Variants in PITPNB observed in about 807,000 individuals in gnomAD.
PITPNB encodes the protein phosphatidylinositol transfer protein beta, also known as phosphatidylinositol transfer protein beta isoform.
PITPNB carries 16 observed loss-of-function variants against 45.9 expected under a neutral mutation model. The observed-to-expected ratio is 0.35, with a 90% CI of 0.24 to 0.53. The LOEUF is 0.53. Among genes scored for constraint, PITPNB ranks in the 20% least tolerant of loss-of-function variants. The probability of loss-of-function intolerance (pLI) is 0.93; values close to 1 mark genes in which losing one functional copy is unlikely to be tolerated. For synonymous variants in PITPNB, 112 were observed against 108.9 expected (o/e 1.03, Z -0.18); for missense variants, 188 against 330.5 (o/e 0.57, Z 3.34).
intron 3 of PITPNB, among the ~76,000 whole-genome samples, chr22:27,898,958 G>T (rs1935516116): frequency 1.3e-5 from 2 of 152,224 alleles, no homozygotes; most frequent in South Asian, 4.1e-4. Flanking sequence ...GACTGATATA[G>T]TGACTGGAGC....
At chr22:27,859,681 A>G (rs1934265059) in intron 9 of PITPNB, among the ~76,000 whole-genome samples, 1 of 152,204 alleles carries the variant, frequency 6.6e-6, no homozygotes, top group Non-Finnish European at 1.5e-5. Flanking sequence ...AGACCTCTAA[A>G]GAAGACATCC....
chr22:27,867,276 G>A (rs1934511539), intron 8 of PITPNB, among the ~76,000 whole-genome samples: 1 of 151,576 alleles, frequency 6.6e-6, no homozygotes, highest in South Asian at 2.1e-4. Flanking sequence ...AAGACAGGGG[G>A]AATACATAAA....
chr22:27,864,807 G>A (rs1005524944), intron 8 of PITPNB, among the ~76,000 whole-genome samples: 31 of 152,040 alleles, frequency 2.0e-4, no homozygotes, highest in African/African-American at 6.8e-4. Flanking sequence ...TCATGGTGGC[G>A]GGTGCCTATA....
intron 6 of PITPNB, among the ~76,000 whole-genome samples, chr22:27,895,239 A>T (rs2146400309): frequency 1.3e-5 from 2 of 152,336 alleles, no homozygotes; most frequent in African/African-American, 4.8e-5. Context: ...AGTCATACAG[A>T]TTAATGCACA....
At chr22:27,894,491 G>T in intron 7 of PITPNB, 64 bp downstream of exon 7, 1 of 878,672 alleles carries the variant, frequency 1.1e-6, no homozygotes, top group Admixed American at 1.9e-5. Flanking sequence ...TCCCAAATGT[G>T]ATAGTAGAAA....
chr22:27,906,983 C>T (rs73880351), intron 3 of PITPNB, among the ~76,000 whole-genome samples: 1 of 152,126 alleles, frequency 6.6e-6, no homozygotes, highest in Non-Finnish European at 1.5e-5. Context: ...AATCCAGAGA[C>T]TTGAGTTATA....
At chr22:27,913,160 C>A (rs1229995877) in intron 2 of PITPNB, among the ~76,000 whole-genome samples, 1 of 152,132 alleles carries the variant, frequency 6.6e-6, no homozygotes, top group African/African-American at 2.4e-5. Flanking sequence ...TTCAAACAAT[C>A]AATTGTGCAA....
intron 7 of PITPNB, among the ~76,000 whole-genome samples, chr22:27,887,697 G>GT (rs1052715199): frequency 6.6e-6 from 1 of 152,078 alleles, no homozygotes; most frequent in African/African-American, 2.4e-5. Flanking sequence ...TAAAGAGCAA[G>GT]TTTTAGGCAC....
intron 1 of PITPNB, 28 bp downstream of exon 1, chr22:27,919,144 C>T: frequency 1.9e-6 from 3 of 1,614,088 alleles, no homozygotes; most frequent in South Asian, 1.1e-5. Context: ...CGTCCCACGG[C>T]CTCGCTCGCG....
Position 27,897,907 on chromosome 22 carries a change from A to G in PITPNB, c.198-15T>C. Reference sequence around the variant, plus strand: ...CAGGCACTTTGCTGGGAGAAGAGAGATACTGGATATATTTAACAGCACCAT... The same window carrying G: ...CAGGCACTTTGCTGGGAGAAGAGAGGTACTGGATATATTTAACAGCACCAT... On this transcript the variant is annotated splice_polypyrimidine_tract_variant and intron_variant, in intron 3 of 11. Transcript: ENST00000335272. 1 of 1,530,418 alleles carries G rather than the reference A, an allele frequency of 6.5e-7. No homozygotes were observed. The highest frequency in any genetic ancestry group is 9.1e-7 in the Non-Finnish European group (1 of 1,103,810). The allele number at this position is 1,530,418 out of a possible 1,614,324, so 94.8% of individuals were successfully genotyped here. A position where few individuals can be genotyped will look rare whatever the true frequency, so the allele number is the denominator to read the frequency against.
intron 3 of PITPNB, among the ~76,000 whole-genome samples, chr22:27,898,280 T>TTCC (rs767545221): frequency 1.2e-4 from 18 of 151,968 alleles, no homozygotes; most frequent in Admixed American, 9.8e-4. Context: ...GAGGCTCAGG[T>TTCC]GGGAGGATCA....
At chr22:27,878,755 AT>A (rs1376078991) in intron 7 of PITPNB, among the ~76,000 whole-genome samples, 5 of 152,236 alleles carry the variant, frequency 3.3e-5, no homozygotes, top group Admixed American at 2.0e-4. Flanking sequence ...ATTCAGAAGC[AT>A]TCATTTGCAT....
At chr22:27,905,274 A>G (rs555667582) in intron 3 of PITPNB, among the ~76,000 whole-genome samples, 37 of 152,222 alleles carry the variant, frequency 2.4e-4, no homozygotes, top group African/African-American at 8.7e-4. Flanking sequence ...CAGCCTCCCA[A>G]GTAGCTGGGA....
intron 7 of PITPNB, among the ~76,000 whole-genome samples, chr22:27,890,129 C>T (rs1048635077): frequency 6.6e-6 from 1 of 152,040 alleles, no homozygotes; most frequent in African/African-American, 2.4e-5. Flanking sequence ...GACCCAGGGT[C>T]CCTGCACCAC....
Position 27,896,854 on chromosome 22 carries a change from C to G in PITPNB, c.298-228G>C. 5.0e-6 allele frequency: 3 copies of G among 603,534 alleles called. No individual in the cohort carries two copies. The South Asian group carries it at 6.3e-5, about 13-fold the overall frequency. 37.4% of individuals were successfully genotyped at this position (603,534 alleles called of 1,614,324 possible). A position where few individuals can be genotyped will look rare whatever the true frequency, so the allele number is the denominator to read the frequency against. On this transcript the variant is annotated intron_variant, in intron 5 of 11. Transcript: ENST00000335272. ...CAATTCTACTTGCCACGTGGCATATCGGGCTAATAAAGAAGCTGTGAGGTC... is the reference window on the plus strand; with the variant it reads ...CAATTCTACTTGCCACGTGGCATATGGGGCTAATAAAGAAGCTGTGAGGTC...
chr22:27,906,350 G>A (rs148278090), intron 3 of PITPNB, among the ~76,000 whole-genome samples: 61 of 152,324 alleles, frequency 4.0e-4, no homozygotes, highest in African/African-American at 1.3e-3. Flanking sequence ...TTTGGAAGAA[G>A]ACTTTAGACG....
chr22:27,897,292 C>T (rs16985691), intron 4 of PITPNB, among the ~76,000 whole-genome samples, 155 bp from the exon 5 acceptor site: 6,581 of 152,162 alleles, frequency 0.043, 240 homozygotes, highest in African/African-American at 0.092. Context: ...AAACAGTTTC[C>T]ACACAAGTGA....
chr22:27,886,361 T>A (rs1159293751), intron 7 of PITPNB, among the ~76,000 whole-genome samples: 1 of 152,234 alleles, frequency 6.6e-6, no homozygotes, highest in Non-Finnish European at 1.5e-5. Context: ...AAAGTCTTAA[T>A]GACCCATATA....
intron 3 of PITPNB, among the ~76,000 whole-genome samples, chr22:27,909,207 C>CTTTTTTTTTTTTTTTT (rs34224616): frequency 1.2e-5 from 1 of 82,246 alleles, no homozygotes; most frequent in African/African-American, 5.0e-5. Flanking sequence ...ACTGGTAGTA[C>CTTTTTTTTTTTTTTTT]TTTTTTTTTT....
Sources: allele counts gnomAD v4.1 joint callset (sites outside exome capture counted in the v4.1 genomes callset), GRCh38; gene constraint gnomAD v4.1.1; transcripts MANE v1.5; gene names NCBI Gene and HGNC (gene_info 2026-07-23, HGNC 2026-07-21).